SMYD3: variants seen among roughly 807,000 people sequenced by gnomAD.
SMYD3 encodes the protein histone-lysine N-methyltransferase SMYD3.
SMYD3 carries 36 observed loss-of-function variants against 57.7 expected under a neutral mutation model. The observed-to-expected ratio is 0.62, with a 90% CI of 0.48 to 0.82. The LOEUF (loss-of-function observed/expected upper bound fraction) is 0.82, where lower values mean the gene tolerates loss of function less well. Ranked by LOEUF, SMYD3 falls within the 40% of genes least tolerant of loss-of-function variation. The pLI, the probability that SMYD3 is intolerant of heterozygous loss-of-function variation, is 0.00. For missense variants in SMYD3, 515 were observed against 538.8 expected (o/e 0.96, Z 0.44); for synonymous variants, 211 against 195.0 (o/e 1.08, Z -0.68).
At chr1:246,258,453 T>C (rs1359556991) in intron 5 of SMYD3, among the ~76,000 whole-genome samples, 1 of 152,138 alleles carries the variant, frequency 6.6e-6, no homozygotes, top group African/African-American at 2.4e-5. Flanking sequence ...TGGAAAAAAA[T>C]TTTATTTCTT....
At chr1:246,071,209 CA>C (rs2060436055) in intron 5 of SMYD3, among the ~76,000 whole-genome samples, 1 of 151,942 alleles carries the variant, frequency 6.6e-6, no homozygotes, top group Non-Finnish European at 1.5e-5. Context: ...TGCTGCTTAT[CA>C]AAACAACACA....
At chr1:246,003,174 G>T (rs564720497) in intron 5 of SMYD3, among the ~76,000 whole-genome samples, 1 of 152,298 alleles carries the variant, frequency 6.6e-6, no homozygotes, top group East Asian at 1.9e-4. Flanking sequence ...GCACACAGAA[G>T]AACCGAACCC....
chr1:245,919,301 T>G (rs1469898646), intron 7 of SMYD3, among the ~76,000 whole-genome samples: 1 of 152,194 alleles, frequency 6.6e-6, no homozygotes. Context: ...CTTTCTAGCC[T>G]CCATGTCTCT....
chr1:246,107,780 T>C (rs2061156984), intron 5 of SMYD3, among the ~76,000 whole-genome samples: 1 of 152,156 alleles, frequency 6.6e-6, no homozygotes, highest in African/African-American at 2.4e-5. Context: ...CCTAGGGCAA[T>C]TATAAGTGGA....
At chr1:246,397,996 A>G (rs992480019) in intron 1 of SMYD3, among the ~76,000 whole-genome samples, 6 of 151,926 alleles carry the variant, frequency 3.9e-5, no homozygotes, top group African/African-American at 1.5e-4. Flanking sequence ...AGACTGGTTG[A>G]GTCCTGGGTC....
At chr1:246,496,194 G>A (rs2068358068) in intron 1 of SMYD3, among the ~76,000 whole-genome samples, 1 of 151,478 alleles carries the variant, frequency 6.6e-6, no homozygotes, top group African/African-American at 2.4e-5. Context: ...ACACCACCAC[G>A]CCCGGCTAAT....
chr1:246,326,424 C>G (rs754220726), intron 5 of SMYD3: 12 of 683,128 alleles, frequency 1.8e-5, no homozygotes, highest in Non-Finnish European at 3.2e-5. Flanking sequence ...AATCAATCAT[C>G]GCACTCTTCC....
At position 245,839,371 on chromosome 1, in the gene SMYD3, G is replaced by A. The variant is rs370936554; in HGVS notation, c.1076+19125C>T. Among the ~76,000 whole-genome samples the A allele has an allele frequency of 1.9e-3, 284 of 151,950 alleles. 1 individual carries two copies. Among genetic ancestry groups the A allele is most frequent in the African/African-American group, 5.1e-3 (211 of 41,404 alleles). Reference sequence around the variant, plus strand: ...TTTTTAGTAGAGACGGGGTTTCACCGTGTTAGCCAGGATGGTCTCGATCTC... The same window carrying A: ...TTTTTAGTAGAGACGGGGTTTCACCATGTTAGCCAGGATGGTCTCGATCTC... On this transcript the variant is annotated intron_variant, in intron 10 of 11. Transcript: ENST00000490107.
chr1:245,903,449 T>C (rs1219294664), intron 8 of SMYD3, among the ~76,000 whole-genome samples: 3 of 152,114 alleles, frequency 2.0e-5, no homozygotes, highest in Non-Finnish European at 4.4e-5. Context: ...GCTTCACCAA[T>C]TGCCCCCACC....
At chr1:245,904,977 C>T (rs565245972) in intron 8 of SMYD3, among the ~76,000 whole-genome samples, 1 of 151,940 alleles carries the variant, frequency 6.6e-6, no homozygotes, top group South Asian at 2.1e-4. Flanking sequence ...GATGACATTT[C>T]TAGACATACT....
chr1:246,499,228 C>A (rs1572060713), intron 1 of SMYD3, among the ~76,000 whole-genome samples: 1 of 151,514 alleles, frequency 6.6e-6, no homozygotes, highest in African/African-American at 2.4e-5. Flanking sequence ...CGCTTGAACC[C>A]AGGAGGCAGA....
chr1:245,954,786 C>T (rs970981745), intron 5 of SMYD3, among the ~76,000 whole-genome samples: 1 of 152,218 alleles, frequency 6.6e-6, no homozygotes, highest in South Asian at 2.1e-4. Context: ...GTTTCCACTG[C>T]AGGTATTTGT....
chr1:245,935,140 T>C (rs988027769), intron 5 of SMYD3, among the ~76,000 whole-genome samples: 7 of 152,206 alleles, frequency 4.6e-5, no homozygotes, highest in African/African-American at 1.7e-4. Flanking sequence ...GGAGAAAGTA[T>C]TTATAAACCA....
intron 5 of SMYD3, among the ~76,000 whole-genome samples, chr1:246,225,090 C>T (rs1422410322): frequency 6.6e-6 from 1 of 151,030 alleles, no homozygotes; most frequent in African/African-American, 2.4e-5. Context: ...TATTTAAAGT[C>T]ATAGAAATAA....
At chr1:246,075,847 A>G (rs2060536422) in intron 5 of SMYD3, among the ~76,000 whole-genome samples, 1 of 151,274 alleles carries the variant, frequency 6.6e-6, no homozygotes, top group South Asian at 2.1e-4. Flanking sequence ...TTTACATGAA[A>G]TGGGACAATG....
At chr1:246,260,852 T>G (rs748369035) in intron 5 of SMYD3, among the ~76,000 whole-genome samples, 1 of 152,068 alleles carries the variant, frequency 6.6e-6, no homozygotes, top group Non-Finnish European at 1.5e-5. Flanking sequence ...AATCTGCACT[T>G]TATAAATGGA....
At chr1:246,058,854 G>T (rs1347126429) in intron 5 of SMYD3, among the ~76,000 whole-genome samples, 1 of 151,286 alleles carries the variant, frequency 6.6e-6, no homozygotes, top group Non-Finnish European at 1.5e-5. Flanking sequence ...TAACAAAGGT[G>T]CCCATTTACC....
chr1:246,141,934 A>G (rs1405932073), intron 5 of SMYD3, among the ~76,000 whole-genome samples: 1 of 152,200 alleles, frequency 6.6e-6, no homozygotes, highest in African/African-American at 2.4e-5. Context: ...TCTCTTTTTC[A>G]AAGTTTTCCT....
chr1:245,892,591 C>A (rs2053456134), intron 8 of SMYD3, among the ~76,000 whole-genome samples: 1 of 152,170 alleles, frequency 6.6e-6, no homozygotes, highest in African/African-American at 2.4e-5. Flanking sequence ...GGAACTAGAA[C>A]CCAACTTCTG....
Sources: gnomAD v4.1 joint callset for allele counts (sites outside exome capture counted in the v4.1 genomes callset) on GRCh38, gnomAD v4.1.1 for gene constraint, MANE v1.5 for transcripts, NCBI Gene and HGNC (gene_info 2026-07-23, HGNC 2026-07-21) for gene names.